The following CFAP54 variants were observed in gnomAD, a reference collection of about 807,000 sequenced individuals.
The protein encoded by CFAP54 is cilia and flagella associated protein 54, also known as cilia- and flagella-associated protein 54.
Under a neutral mutation model 370.4 loss-of-function variants are expected in CFAP54, and 290 were observed. The ratio of observed to expected loss-of-function variants is 0.78; its 90% CI spans 0.71 to 0.86. CFAP54 has a LOEUF of 0.86. Ranked by LOEUF, CFAP54 falls within the 40% of genes least tolerant of loss-of-function variation. The pLI is 0.00. For missense variants in CFAP54, 3,399 were observed against 3,528.7 expected (o/e 0.96, Z 0.93); for synonymous variants, 1,206 against 1,236.5 (o/e 0.98, Z 0.52).
intron 27 of CFAP54, among the ~76,000 whole-genome samples, 157 bp from the exon 28 acceptor site, chr12:96,623,608 CTG>C (rs1270577448): frequency 2.6e-5 from 4 of 152,140 alleles, no homozygotes; most frequent in African/African-American, 9.7e-5. Context: ...AGCACAATAA[CTG>C]TTATTATTCA....
chr12:96,580,274 CA>C (rs1801206964), intron 20 of CFAP54, among the ~76,000 whole-genome samples: 1 of 151,950 alleles, frequency 6.6e-6, no homozygotes, highest in African/African-American at 2.4e-5. Context: ...TCCTGTGAAG[CA>C]AAATGACAAT....
At chr12:96,611,513 A>G (rs1956358134) in intron 26 of CFAP54, among the ~76,000 whole-genome samples, 1 of 152,374 alleles carries the variant, frequency 6.6e-6, no homozygotes, top group Admixed American at 6.5e-5. Flanking sequence ...GCTCCTCACC[A>G]GCAGTGGAAC....
intron 67 of CFAP54, among the ~76,000 whole-genome samples, chr12:96,866,099 A>G (rs1959999545): frequency 1.3e-5 from 2 of 152,122 alleles, no homozygotes. Flanking sequence ...TACTTGTAAA[A>G]TCCATCTATC....
chr12:96,601,184 C>T (rs994020157), intron 26 of CFAP54, among the ~76,000 whole-genome samples: 2 of 152,080 alleles, frequency 1.3e-5, no homozygotes, highest in East Asian at 1.9e-4. Flanking sequence ...TGAATTTTGT[C>T]AAAGGCCTTT....
intron 60 of CFAP54, among the ~76,000 whole-genome samples, chr12:96,769,206 G>A (rs1180005987): frequency 6.6e-6 from 1 of 152,044 alleles, no homozygotes; most frequent in African/African-American, 2.4e-5. Flanking sequence ...TTTTCTTGTG[G>A]CCTTGATAAA....
chr12:96,528,961 TATATC>T (rs1217635140), intron 9 of CFAP54, among the ~76,000 whole-genome samples: 6 of 152,230 alleles, frequency 3.9e-5, no homozygotes, highest in Non-Finnish European at 7.4e-5. Context: ...GAAGTTTTGA[TATATC>T]ATATCTTTAT....
At chr12:96,857,926 C>G (rs193191807) in intron 66 of CFAP54, among the ~76,000 whole-genome samples, 1 of 152,100 alleles carries the variant, frequency 6.6e-6, no homozygotes, top group South Asian at 2.1e-4. Flanking sequence ...TCAATATACA[C>G]GTCTTTGCTA....
chr12:96,530,581 A>G (rs1181113719), intron 9 of CFAP54, among the ~76,000 whole-genome samples: 1 of 152,206 alleles, frequency 6.6e-6, no homozygotes, highest in East Asian at 1.9e-4. Context: ...TACCCTTTGA[A>G]GGACATTTGA....
intron 42 of CFAP54, among the ~76,000 whole-genome samples, chr12:96,685,859 G>A (rs901074909): frequency 6.6e-6 from 1 of 152,190 alleles, no homozygotes; most frequent in African/African-American, 2.4e-5. Context: ...GCTCAACAAT[G>A]ACTTGTTGCG....
At chr12:96,543,936 G>A (rs551906100) in intron 14 of CFAP54, among the ~76,000 whole-genome samples, 16 of 152,178 alleles carry the variant, frequency 1.1e-4, no homozygotes, top group South Asian at 8.3e-4. Flanking sequence ...AAGCCCCAGT[G>A]GGAAAAGTAG....
chr12:96,669,274 G>T (rs977458282), intron 39 of CFAP54, among the ~76,000 whole-genome samples: 1 of 152,138 alleles, frequency 6.6e-6, no homozygotes, highest in Non-Finnish European at 1.5e-5. Context: ...AGAACTGAGG[G>T]GAGCTAGTTA....
intron 62 of CFAP54, among the ~76,000 whole-genome samples, chr12:96,790,732 T>C (rs1958682776): frequency 6.6e-6 from 1 of 152,234 alleles, no homozygotes; most frequent in Non-Finnish European, 1.5e-5. Flanking sequence ...AAATGATGAT[T>C]TAACCCTGCT....
chr12:96,826,826 A>G (rs1959116782), intron 65 of CFAP54, among the ~76,000 whole-genome samples: 1 of 115,636 alleles, frequency 8.6e-6, no homozygotes, highest in Non-Finnish European at 1.6e-5. Flanking sequence ...TTAATATATT[A>G]TATAATATAT....
At chr12:96,707,639 A>T (rs1484079730) in intron 47 of CFAP54, among the ~76,000 whole-genome samples, 1 of 152,212 alleles carries the variant, frequency 6.6e-6, no homozygotes, top group African/African-American at 2.4e-5. Context: ...TTCTACAGAG[A>T]TTAGCATATT....
In CFAP54 at chr12:96,536,273, A is replaced by C. The variant is rs73374088; in HGVS notation, c.1791+673A>C. On this transcript the variant is annotated intron_variant, in intron 12 of 67. Transcript: ENST00000524981. ...GCCCAGCTTTAAGTAGTAGCTTCCT[A>C]ATCTGTTTTTGTTACTTTTGTATAT... 2.7e-3 allele frequency among the ~76,000 whole-genome samples: 414 copies of C among 152,234 alleles called. 6 individuals are homozygous for C. The highest frequency in any genetic ancestry group is 9.4e-3 in the African/African-American group (392 of 41,544).
At chr12:96,606,925 T>C (rs1956307784) in intron 26 of CFAP54, among the ~76,000 whole-genome samples, 1 of 152,210 alleles carries the variant, frequency 6.6e-6, no homozygotes. Flanking sequence ...TATGTGGTTC[T>C]CATAGGACCT....
rs1211955658 is a variant in CFAP54, at chr12:96,576,801, C to T, written c.2796+40C>T. 6.2e-6 allele frequency: 9 copies of T among 1,448,462 alleles called. No individual in the cohort carries two copies. The Middle Eastern group carries it at 7.0e-4, about 113-fold the overall frequency. 89.7% of individuals were successfully genotyped at this position (1,448,462 alleles called of 1,614,324 possible). Reference sequence around the variant, plus strand: ...AAAATTTTTGCCTCATGCAAAGCAACATAAGTACTTTTATAACTACCATGA... The same window carrying T: ...AAAATTTTTGCCTCATGCAAAGCAATATAAGTACTTTTATAACTACCATGA... On this transcript the variant is annotated intron_variant, in intron 20 of 67. Coordinates refer to ENST00000524981, the MANE Select transcript of CFAP54 (RefSeq NM_001306084.2).
chr12:96,663,784 A>G (rs1466531680), intron 38 of CFAP54, 46 bp from the exon 39 acceptor site: 1 of 1,376,844 alleles, frequency 7.3e-7, no homozygotes, highest in East Asian at 2.3e-5. Flanking sequence ...GAAATTTTTA[A>G]CTATAAATAC....
At chr12:96,680,909 C>T (rs1477642835) in intron 40 of CFAP54, among the ~76,000 whole-genome samples, 6 of 152,102 alleles carry the variant, frequency 3.9e-5, no homozygotes, top group Admixed American at 1.3e-4. Context: ...CATAGTGAAA[C>T]CCTGTCTCTA....
Sources: gnomAD v4.1 joint callset for allele counts (sites outside exome capture counted in the v4.1 genomes callset) on GRCh38, gnomAD v4.1.1 for gene constraint, MANE v1.5 for transcripts, NCBI Gene and HGNC (gene_info 2026-07-23, HGNC 2026-07-21) for gene names.